Variants in KCNMA1 observed in about 807,000 individuals in gnomAD.
KCNMA1 encodes potassium calcium-activated channel subfamily M alpha 1.
A neutral mutation model predicts 140.0 loss-of-function variants in KCNMA1; 29 were observed. The observed-to-expected ratio is 0.21, with a 90% CI of 0.15 to 0.28. The LOEUF (loss-of-function observed/expected upper bound fraction) is 0.28, where lower values mean the gene tolerates loss of function less well. Ranked by LOEUF, KCNMA1 falls within the 10% of genes least tolerant of loss-of-function variation. The pLI, the probability that KCNMA1 is intolerant of heterozygous loss-of-function variation, is 1.00. For missense variants in KCNMA1, 880 were observed against 1,602.2 expected (o/e 0.55, Z 7.70); for synonymous variants, 612 against 611.9 (o/e 1.00, Z 0.00).
chr10:77,461,622 A>C (rs994123265), intron 1 of KCNMA1, among the ~76,000 whole-genome samples: 1 of 152,166 alleles, frequency 6.6e-6, no homozygotes, highest in African/African-American at 2.4e-5. Flanking sequence ...TCACCCCTCC[A>C]CAGAGGTTCC....
intron 23 of KCNMA1, among the ~76,000 whole-genome samples, chr10:76,940,907 G>C (rs1177588731): frequency 6.7e-6 from 1 of 150,342 alleles, no homozygotes; most frequent in Non-Finnish European, 1.5e-5. Context: ...GTTGCAGTGA[G>C]CTGATATCAC....
intron 20 of KCNMA1, among the ~76,000 whole-genome samples, chr10:76,960,631 T>G (rs970891369): frequency 7.4e-5 from 11 of 148,580 alleles, no homozygotes; most frequent in East Asian, 5.8e-4. Flanking sequence ...TTTTTTTTTT[T>G]TTTTTTTTTT....
intron 1 of KCNMA1, chr10:77,634,155 C>A (rs186450327): frequency 1.0e-6 from 1 of 985,360 alleles, no homozygotes; most frequent in African/African-American, 1.7e-5. Context: ...CAGAGCAGCT[C>A]CCTATTCAAT....
At chr10:77,361,863 G>A (rs1364719478) in intron 2 of KCNMA1, among the ~76,000 whole-genome samples, 1 of 152,226 alleles carries the variant, frequency 6.6e-6, no homozygotes, top group African/African-American at 2.4e-5. Flanking sequence ...CGAAAGCAAG[G>A]CAGCACACAG....
At chr10:77,578,732 G>T (rs1273378388) in intron 1 of KCNMA1, among the ~76,000 whole-genome samples, 1 of 152,190 alleles carries the variant, frequency 6.6e-6, no homozygotes, top group East Asian at 1.9e-4. Context: ...AGGCCTTCCT[G>T]GGTTCCTTAT....
At position 77,279,408 on chromosome 10, in the gene KCNMA1, C is replaced by G. The variant is rs532636527; in HGVS notation, c.541-28152G>C. Among the ~76,000 whole-genome samples, 284 of 152,196 alleles carry G rather than the reference C, an allele frequency of 1.9e-3. 3 individuals are homozygous for G. Among genetic ancestry groups the G allele is most frequent in the Non-Finnish European group, 3.1e-3 (211 of 68,012 alleles). On this transcript the variant is annotated intron_variant, in intron 2 of 27. Transcript: ENST00000286628. Reference sequence around the variant, plus strand: ...ATGAAAGATGTGGAAGACAAATGTACCCAGGGCATCCAATCCCAGCAAGCG... The same window carrying G: ...ATGAAAGATGTGGAAGACAAATGTAGCCAGGGCATCCAATCCCAGCAAGCG...
chr10:77,395,389 T>C (rs1169795277), intron 2 of KCNMA1, among the ~76,000 whole-genome samples: 1 of 152,022 alleles, frequency 6.6e-6, no homozygotes, highest in Non-Finnish European at 1.5e-5. Flanking sequence ...ATCCTTAGCT[T>C]ATGAACCACA....
chr10:77,363,511 C>T (rs1187768196), intron 2 of KCNMA1, among the ~76,000 whole-genome samples: 2 of 152,222 alleles, frequency 1.3e-5, no homozygotes, highest in African/African-American at 4.8e-5. Context: ...TTATTCAATT[C>T]AACTTCATCT....
At chr10:77,184,977 C>T in intron 3 of KCNMA1, 61 bp from the exon 4 acceptor site, 1 of 974,242 alleles carries the variant, frequency 1.0e-6, no homozygotes, top group Admixed American at 1.7e-5. Flanking sequence ...TCCTGTCTCC[C>T]ACGATGCTGA....
chr10:77,329,164 T>C (rs11002123), intron 2 of KCNMA1, among the ~76,000 whole-genome samples: 39,678 of 152,078 alleles, frequency 0.26, 6,511 homozygotes, highest in Non-Finnish European at 0.38. Context: ...TTTTTAGTCA[T>C]TGGGCTTCCC....
intron 15 of KCNMA1, among the ~76,000 whole-genome samples, chr10:77,038,562 G>A (rs545967408): frequency 9.2e-5 from 14 of 152,128 alleles, no homozygotes; most frequent in African/African-American, 2.9e-4. Flanking sequence ...TATTATTTTA[G>A]AGATACAATC....
chr10:76,903,332 T>A (rs1315045530), intron 25 of KCNMA1: 2 of 152,288 alleles, frequency 1.3e-5, no homozygotes, highest in Non-Finnish European at 2.9e-5. Context: ...TTAATGGCTC[T>A]CTGCCTTTCG....
At chr10:77,631,187 T>G (rs1024654850) in intron 1 of KCNMA1, among the ~76,000 whole-genome samples, 1 of 151,474 alleles carries the variant, frequency 6.6e-6, no homozygotes, top group Non-Finnish European at 1.5e-5. Flanking sequence ...AGATGTGATA[T>G]TCCCACTGAA....
chr10:77,337,655 G>T (rs999631240), intron 2 of KCNMA1, among the ~76,000 whole-genome samples: 1 of 152,106 alleles, frequency 6.6e-6, no homozygotes. Context: ...CATTTCAACT[G>T]GATATTGAAA....
chr10:77,158,854 T>C (rs1013399627), intron 5 of KCNMA1, among the ~76,000 whole-genome samples: 1 of 152,218 alleles, frequency 6.6e-6, no homozygotes, highest in South Asian at 2.1e-4. Context: ...GTTGTGGATA[T>C]GGTAGCCTGG....
At chr10:77,151,322 G>A (rs1425813097) in intron 5 of KCNMA1, among the ~76,000 whole-genome samples, 1 of 114,920 alleles carries the variant, frequency 8.7e-6, no homozygotes, top group African/African-American at 3.5e-5. Context: ...CACCTCCTGG[G>A]TTCAAGTGAT....
At chr10:77,313,672 G>A (rs1200531542) in intron 2 of KCNMA1, among the ~76,000 whole-genome samples, 1 of 152,100 alleles carries the variant, frequency 6.6e-6, no homozygotes, top group East Asian at 1.9e-4. Flanking sequence ...TGAGAACAGG[G>A]GCTGTGTCTT....
rs1183311699 is a variant in KCNMA1 at position 77,025,242 on chromosome 10, GTATATATATATATATATATATATA to G, written c.1928+2557_1928+2580del. Among the ~76,000 whole-genome samples the G allele has an allele frequency of 4.7e-5, 2 of 42,742 alleles. 1 individual carries two copies. Among genetic ancestry groups the G allele is most frequent in the African/African-American group, 1.5e-4 (2 of 13,066 alleles). 28.0% of individuals were successfully genotyped at this position (42,742 alleles called of 152,430 possible). On this transcript the variant is annotated intron_variant, in intron 16 of 27. Transcript: ENST00000286628. ...ACTCTAGTTGGAGAGGGGTGTGTGT[GTATATATATATATATATATATATA>G]TATATATATATATATACACACACAC...
chr10:77,193,470 C>A (rs2039310392), intron 3 of KCNMA1, among the ~76,000 whole-genome samples: 1 of 152,170 alleles, frequency 6.6e-6, no homozygotes, highest in African/African-American at 2.4e-5. Context: ...CTGATTCTAG[C>A]CATCCCTTTT....
Sources: allele counts gnomAD v4.1 joint callset (sites outside exome capture counted in the v4.1 genomes callset), GRCh38; gene constraint gnomAD v4.1.1; transcripts MANE v1.5; gene names NCBI Gene and HGNC (gene_info 2026-07-23, HGNC 2026-07-21).